The following WNT10A variants were observed in gnomAD, a reference collection of about 807,000 sequenced individuals.
WNT10A encodes Wnt family member 10A.
In WNT10A, 37 loss-of-function variants were observed where a neutral mutation model predicts 36.1. The observed-to-expected ratio is 1.02, with a 90% confidence interval of 0.79 to 1.35. The LOEUF is 1.35. Among genes scored for constraint, WNT10A ranks in the 40% most tolerant of loss-of-function variants. The probability of loss-of-function intolerance (pLI) is 0.00; values close to 1 mark genes in which losing one functional copy is unlikely to be tolerated. For missense variants in WNT10A, 613 were observed against 601.4 expected (o/e 1.02, Z -0.20); for synonymous variants, 255 against 254.1 (o/e 1.00, Z -0.03).
chr2:218,882,395 C>T lies in WNT10A; in HGVS notation c.348C>T (p.Ile116=), dbSNP rs1575230042. The change falls in exon 2 of 4, where the codon ATC becomes ATT. Residue 116 remains isoleucine, a synonymous_variant. Transcript: ENST00000258411. The part of the protein sequence containing the change: ...NCSSLETRNK[I]PYESPIFSRG... ...CAAGCCTGGAGACTCGCAACAAGAT[C>T]CCCTATGAGAGTCCCATCTTCAGCA... 3 of 1,614,160 alleles carry T rather than the reference C, an allele frequency of 1.9e-6. No homozygotes were observed. The highest frequency in any genetic ancestry group is 1.7e-6 in the Non-Finnish European group (2 of 1,180,022).
the WNT10A span, among the ~76,000 whole-genome samples, chr2:218,874,464 T>C: frequency 6.6e-6 from 1 of 152,126 alleles, no homozygotes; most frequent in South Asian, 2.1e-4. Context: ...AATTCCTCTT[T>C]AAAGGGACAG....
intron 1 of WNT10A, among the ~76,000 whole-genome samples, chr2:218,881,401 G>A (rs1559412204): frequency 6.6e-6 from 1 of 152,106 alleles, no homozygotes; most frequent in Non-Finnish European, 1.5e-5. Flanking sequence ...TGCCCTGTTG[G>A]GGGAATGCAC....
intron 2 of WNT10A, among the ~76,000 whole-genome samples, chr2:218,884,546 T>G (rs933120423): frequency 6.6e-6 from 1 of 152,128 alleles, no homozygotes; most frequent in Non-Finnish European, 1.5e-5. Flanking sequence ...CTACCTCTAC[T>G]TCTACCTTCT....
the WNT10A span, among the ~76,000 whole-genome samples, chr2:218,875,728 A>AT: frequency 4.0e-5 from 6 of 151,816 alleles, no homozygotes; most frequent in East Asian, 1.9e-4. Flanking sequence ...TGTTGGGAGA[A>AT]TTTTTTTTTG....
chr2:218,884,205 G>C (rs1944553536), intron 2 of WNT10A: 1 of 152,654 alleles, frequency 6.6e-6, no homozygotes, highest in Admixed American at 6.5e-5. Flanking sequence ...GGCCCGCGCG[G>C]CCTGCTGGAG....
upstream of WNT10A, among the ~76,000 whole-genome samples, chr2:218,877,636 G>A (rs1944464412): frequency 6.6e-6 from 1 of 152,182 alleles, no homozygotes; most frequent in Admixed American, 6.5e-5. The surrounding 1 kb of genome is among the most constrained non-coding windows in gnomAD (Gnocchi z 4.1). Flanking sequence ...ACCACATCAG[G>A]AACAGGCGGA....
At chr2:218,889,387 G>T (rs952552075) in intron 2 of WNT10A, among the ~76,000 whole-genome samples, 2 of 152,202 alleles carry the variant, frequency 1.3e-5, no homozygotes, top group African/African-American at 4.8e-5. Context: ...GTAAACATGC[G>T]TGTGCAAGTA....
intron 3 of WNT10A, 57 bp from the exon 4 acceptor site, chr2:218,892,717 C>T (rs1418598338): frequency 1.6e-5 from 24 of 1,548,176 alleles, no homozygotes; most frequent in Non-Finnish European, 2.0e-5. Context: ...AGGCTAAGCG[C>T]TGGGAGGGGA....
At chr2:218,876,732 TCAAA>T (rs780568698), upstream of WNT10A, among the ~76,000 whole-genome samples, 4 of 152,196 alleles carry the variant, frequency 2.6e-5, no homozygotes, top group Non-Finnish European at 5.9e-5. Flanking sequence ...GCTCTTATCT[TCAAA>T]CAAACAAAAA....
chr2:218,889,933 G>C (rs1944625028), intron 2 of WNT10A, 51 bp from the exon 3 acceptor site: 4 of 1,610,140 alleles, frequency 2.5e-6, no homozygotes, highest in Non-Finnish European at 3.4e-6. Context: ...GCTGGAGAAT[G>C]GGGTGTCAAG....
upstream of WNT10A, among the ~76,000 whole-genome samples, chr2:218,877,124 TAGGC>T (rs1174553851): frequency 6.6e-6 from 1 of 152,224 alleles, no homozygotes; most frequent in Non-Finnish European, 1.5e-5. This position sits in a 1 kb window ranked among gnomAD's most constrained non-coding sequence, Gnocchi z 4.1. Flanking sequence ...GGCACCATTC[TAGGC>T]AGGTTAAAAG....
At chr2:218,881,787 G>A (rs1944519948) in intron 1 of WNT10A, among the ~76,000 whole-genome samples, 1 of 152,224 alleles carries the variant, frequency 6.6e-6, no homozygotes, top group Admixed American at 6.5e-5. Context: ...CACAATGTGT[G>A]CAGAAGTGTG....
Position 218,893,082 on chromosome 2 carries a change from G to A in WNT10A, c.1065G>A (p.Ala355=), listed in dbSNP as rs1273703576. 8 of 1,596,424 alleles carry A rather than the reference G, an allele frequency of 5.0e-6. No individual in the cohort carries two copies. In the African/African-American group the frequency reaches 9.3e-5, roughly 19 times the overall value. The change falls in exon 4 of 4, where the codon GCG becomes GCA. Residue 355 remains alanine (A), a synonymous_variant. Transcript: ENST00000258411. This position sits in a 1 kb window ranked among gnomAD's most constrained non-coding sequence, Gnocchi z 6.3. The part of the protein sequence containing the change: ...FCEREPRLDS[A]GTVGRLCNKS... Reference sequence around the variant, plus strand: ...AGCGCGAGCCGCGCCTGGACTCGGCGGGCACCGTGGGCCGCCTGTGCAACA... The same window carrying A: ...AGCGCGAGCCGCGCCTGGACTCGGCAGGCACCGTGGGCCGCCTGTGCAACA...
At chr2:218,882,449 G>C in intron 2 of WNT10A, 26 bp downstream of exon 2, 1 of 1,613,354 alleles carries the variant, frequency 6.2e-7, no homozygotes, top group Non-Finnish European at 8.5e-7. Context: ...CCCTGCCCCT[G>C]CCTGCCCCAT....
At chr2:218,878,148 G>A (rs867022448), upstream of WNT10A, among the ~76,000 whole-genome samples, 2 of 152,226 alleles carry the variant, frequency 1.3e-5, no homozygotes, top group African/African-American at 2.4e-5. The surrounding 1 kb of genome is among the most constrained non-coding windows in gnomAD (Gnocchi z 4.1). Context: ...CCAGGGCAGG[G>A]CCAGGGTGGG....
chr2:218,885,518 T>G (rs1250466210), intron 2 of WNT10A, among the ~76,000 whole-genome samples: 2 of 152,096 alleles, frequency 1.3e-5, no homozygotes, highest in East Asian at 3.9e-4. Context: ...AGGGAGAGGC[T>G]TGATGGAGGG....
At chr2:218,878,479 G>T (rs1209804488), upstream of WNT10A, among the ~76,000 whole-genome samples, 1 of 152,076 alleles carries the variant, frequency 6.6e-6, no homozygotes, top group African/African-American at 2.4e-5. The surrounding 1 kb of genome is among the most constrained non-coding windows in gnomAD (Gnocchi z 4.1). Context: ...GAAGAAAAGA[G>T]ACCCCCTCAT....
In WNT10A at chr2:218,882,309, G is replaced by T; in HGVS notation, c.262G>T (p.Gly88Cys). ...TGATGTGGCTGCCTCAGCCATACAGGGCATCCAGATCGCCATCCACGAATG... is the reference window on the plus strand; with the variant it reads ...TGATGTGGCTGCCTCAGCCATACAGTGCATCCAGATCGCCATCCACGAATG... ...HPDVAASAIQ[G>C]IQIAIHECQH... The change falls in exon 2 of 4, where the codon GGC becomes TGC. Residue 88 changes from glycine to cysteine, a missense_variant. Coordinates refer to ENST00000258411, the MANE Select transcript of WNT10A (RefSeq NM_025216.3). 6.2e-7 allele frequency: 1 copy of T among 1,614,124 alleles called. No homozygotes were observed. Among genetic ancestry groups the T allele is most frequent in the Non-Finnish European group, 8.5e-7 (1 of 1,180,016 alleles).
At chr2:218,875,184 TTTTTTTTTTTTTTTTTTTTTTTG>T in the WNT10A span, among the ~76,000 whole-genome samples, 1 of 94,186 alleles carries the variant, frequency 1.1e-5, no homozygotes, top group African/African-American at 4.2e-5. Context: ...TTTTTTTTTT[TTTTTTTTTTTTTTTTTTTTTTTG>T]AGATGGAGTC....
Sources: allele counts gnomAD v4.1 joint callset (sites outside exome capture counted in the v4.1 genomes callset), GRCh38; gene constraint gnomAD v4.1.1; non-coding constraint Gnocchi (gnomAD v3.1); transcripts MANE v1.5; gene names NCBI Gene and HGNC (gene_info 2026-07-23, HGNC 2026-07-21).